ZNF518A: variants seen among roughly 807,000 people sequenced by gnomAD.
ZNF518A encodes zinc finger protein 518A, also known as zinc finger protein 518.
Under a neutral mutation model 102.7 loss-of-function variants are expected in ZNF518A, and 47 were observed. The ratio of observed to expected loss-of-function variants is 0.46; its 90% confidence interval spans 0.36 to 0.58. ZNF518A has a LOEUF of 0.58. ZNF518A is among the 20% of genes least tolerant of loss of function. The pLI is 0.00. For missense variants in ZNF518A, 1,793 were observed against 1,699.8 expected, an observed-to-expected ratio of 1.05 and a Z score of -0.96; for synonymous variants, 652 against 594.6, an observed-to-expected ratio of 1.10 and a Z score of -1.40.
In ZNF518A at chr10:96,160,207, G is replaced by A. The variant is rs782661549; in HGVS notation, c.3885G>A (p.Leu1295=). The A allele has an allele frequency of 1.2e-6, 2 of 1,611,430 alleles. No individual in the cohort carries two copies. The highest frequency in any genetic ancestry group is 3.4e-5 in the Admixed American group (2 of 59,466). Reference sequence around the variant, plus strand: ...AACCTCCAAGAAGAAAAGCAACATTGCATAGAAAGTGTAAAGAAAAGGCAA... The same window carrying A: ...AACCTCCAAGAAGAAAAGCAACATTACATAGAAAGTGTAAAGAAAAGGCAA... ...YQEPPRRKAT[L]HRKCKEKAKP... Residue 1295 remains leucine, a synonymous_variant, in exon 6 of 6, where the codon TTG becomes TTA. Coordinates refer to ENST00000316045, the MANE Select transcript of ZNF518A (RefSeq NM_001330736.2).
intron 1 of ZNF518A, among the ~76,000 whole-genome samples, chr10:96,196,583 C>T (rs2083471834): frequency 6.6e-6 from 1 of 152,166 alleles, no homozygotes; most frequent in South Asian, 2.1e-4. Flanking sequence ...GAACTTGACC[C>T]TAATTCTTAC....
At position 96,156,387 on chromosome 10, in the gene ZNF518A, A is replaced by G. The variant is rs1554882338; in HGVS notation, c.65A>G (p.Asp22Gly). The G allele has an allele frequency of 6.2e-7, 1 of 1,603,316 alleles. No individual in the cohort carries two copies. Among genetic ancestry groups the G allele is most frequent in the South Asian group, 1.1e-5 (1 of 87,690 alleles). The change falls in exon 6 of 6, where the codon GAT becomes GGT. Residue 22 changes from aspartate to glycine, a missense_variant. Coordinates refer to ENST00000316045, the MANE Select transcript of ZNF518A (RefSeq NM_001330736.2). The stretch of plus-strand genomic sequence containing the variant: ...CAAACTACTTTAAAAAAAGATTATG[A>G]TGTGAAAAATGAGATAGTTGATAGG... ...EKQTTLKKDY[D>G]VKNEIVDRSA...
Position 96,200,103 on chromosome 10 carries a change from G to A in ZNF518A, n.36-3471G>A. The A allele has an allele frequency of 1.9e-6, 3 of 1,614,000 alleles. No homozygotes were observed. The highest frequency in any genetic ancestry group is 2.5e-6 in the Non-Finnish European group (3 of 1,179,954). ...GTTTGATCTGTGCAATGCCTCTTCA[G>A]CAGACTTTCGATCACAGGCTCCAGC... On this transcript the variant is annotated intron_variant and non_coding_transcript_variant, in intron 1 of 2. Transcript: ENST00000442635. The surrounding 1 kb of genome is among the most constrained non-coding windows in gnomAD (Gnocchi z 4.3).
chr10:96,146,711 C>T (rs868980988), intron 3 of ZNF518A, among the ~76,000 whole-genome samples: 1 of 152,144 alleles, frequency 6.6e-6, no homozygotes, highest in Admixed American at 6.5e-5. Flanking sequence ...AGCTCCTTTC[C>T]TCTACCCTCA....
At chr10:96,201,476 T>A (rs1466197779) in intron 1 of ZNF518A, among the ~76,000 whole-genome samples, 3 of 152,246 alleles carry the variant, frequency 2.0e-5, no homozygotes, top group Non-Finnish European at 2.9e-5. Flanking sequence ...ATAAAAATAT[T>A]ATTTATGTTA....
chr10:96,142,321 TG>T (rs1564748435), intron 3 of ZNF518A, among the ~76,000 whole-genome samples: 4 of 138,248 alleles, frequency 2.9e-5, no homozygotes, highest in Admixed American at 1.4e-4. Context: ...TGTGTGTGTG[TG>T]TGTGTGTGTG....
intron 1 of ZNF518A, chr10:96,191,754 A>G (rs782368664): frequency 7.8e-5 from 40 of 514,692 alleles, no homozygotes; most frequent in Middle Eastern, 5.3e-4. Flanking sequence ...TGATAACTCA[A>G]CCTCACCAGA....
At chr10:96,189,102 A>G (rs1477814779) in intron 1 of ZNF518A, among the ~76,000 whole-genome samples, 4 of 152,062 alleles carry the variant, frequency 2.6e-5, no homozygotes, top group South Asian at 4.1e-4. Context: ...CACCATTTCC[A>G]TGTTCTGACC....
exon 3 of ZNF518A, chr10:96,204,086 T>C (rs1591303254): frequency 6.2e-7 from 1 of 1,613,974 alleles, no homozygotes. Context: ...TTGGTGGATT[T>C]GTCTGCAAGA....
At chr10:96,155,054 CAT>C (rs150259641) in intron 3 of ZNF518A, among the ~76,000 whole-genome samples, 130 of 150,238 alleles carry the variant, frequency 8.7e-4, no homozygotes, top group Middle Eastern at 6.9e-3. Flanking sequence ...TCTATTCATA[CAT>C]ATATATATAT....
chr10:96,159,520 C>T lies in ZNF518A; in HGVS notation c.3198C>T (p.Asn1066=), dbSNP rs782009637. ...CTGTGAAAGCTGTTCTTATTCCTAA[C>T]ATGCTATCTGAGCAACAGAGCACTA... is the stretch of plus-strand genomic sequence containing the variant. ...TSSVKAVLIP[N]MLSEQQSTKL... The change falls in exon 6 of 6, where the codon AAC becomes AAT. Residue 1066 remains asparagine, a synonymous_variant. Transcript: ENST00000316045. 1.9e-6 allele frequency: 3 copies of T among 1,613,838 alleles called. No homozygotes were observed. Among genetic ancestry groups the T allele is most frequent in the Non-Finnish European group, 2.5e-6 (3 of 1,179,774 alleles).
In ZNF518A at chr10:96,160,788, C is replaced by T. The variant is rs1039782509; in HGVS notation, c.*14C>T. On this transcript the variant is annotated 3_prime_UTR_variant, in exon 6 of 6. Transcript: ENST00000316045. Reference sequence around the variant, plus strand: ...ATGTTAGAATAGTTTACCATAATTACCAAGGAAAAGAAAAGTAAAATTACC... The same window carrying T: ...ATGTTAGAATAGTTTACCATAATTATCAAGGAAAAGAAAAGTAAAATTACC... 1.3e-6 allele frequency: 2 copies of T among 1,512,676 alleles called. No individual in the cohort carries two copies. The highest frequency in any genetic ancestry group is 1.8e-6 in the Non-Finnish European group (2 of 1,135,352). The allele number at this position is 1,512,676 out of a possible 1,614,324, so 93.7% of individuals were successfully genotyped here.
intron 3 of ZNF518A, among the ~76,000 whole-genome samples, chr10:96,142,465 G>C (rs983426948): frequency 6.6e-6 from 1 of 152,046 alleles, no homozygotes; most frequent in Non-Finnish European, 1.5e-5. Flanking sequence ...TGTTTTGCCT[G>C]TATCTGCAGA....
rs1234123389 is a variant in ZNF518A, at chr10:96,162,110, A to G, written c.*1336A>G. The G allele has an allele frequency of 6.0e-6, 1 of 166,930 alleles. No homozygotes were observed. Among genetic ancestry groups the G allele is most frequent in the African/African-American group, 2.4e-5 (1 of 41,452 alleles). The allele number at this position is 166,930 out of a possible 1,614,324, so 10.3% of individuals were successfully genotyped here. On this transcript the variant is annotated 3_prime_UTR_variant, in exon 6 of 6. Transcript: ENST00000316045. ...TGTTACAAGTGTTAATGACATTTTC[A>G]TTAATGGATGAAAACTTCAGGGCTT...
chr10:96,140,889 C>T (rs1370630199), intron 3 of ZNF518A, among the ~76,000 whole-genome samples: 4 of 151,986 alleles, frequency 2.6e-5, no homozygotes, highest in Non-Finnish European at 4.4e-5. Context: ...TGTAATGAGC[C>T]GTAATTGTGC....
chr10:96,165,817 C>G (rs1337643674), downstream of ZNF518A, among the ~76,000 whole-genome samples: 3 of 152,110 alleles, frequency 2.0e-5, no homozygotes, highest in African/African-American at 7.2e-5. Flanking sequence ...TTCAGAGATA[C>G]AGAACCAATA....
rs1195245072 is a variant in ZNF518A, at chr10:96,159,988, A to G, written c.3666A>G (p.Ile1222Met). The change falls in exon 6 of 6, where the codon ATA becomes ATG. Residue 1222 changes from isoleucine (I) to methionine (M), a missense_variant. By Grantham distance (10) the Ile-to-Met change is conservative. Transcript: ENST00000316045. ...GCCCAGAATCTTCTGAGGAACCAAT[A>G]TGTGTCAGTGACTGTTCAGAGTCCA... is the stretch of plus-strand genomic sequence containing the variant. ...ATCPESSEEP[I>M]CVSDCSESRV... 11 of 1,613,634 alleles carry G rather than the reference A, an allele frequency of 6.8e-6. No individual in the cohort carries two copies. The highest frequency in any genetic ancestry group is 2.2e-5 in the East Asian group (1 of 44,870).
At chr10:96,195,315 T>C (rs1353429699) in intron 1 of ZNF518A, among the ~76,000 whole-genome samples, 1 of 152,186 alleles carries the variant, frequency 6.6e-6, no homozygotes, top group Non-Finnish European at 1.5e-5. Flanking sequence ...TCTGGGTATA[T>C]ACCCCCAAAT....
intron 3 of ZNF518A, among the ~76,000 whole-genome samples, chr10:96,141,316 A>G (rs1372026774): frequency 6.6e-6 from 1 of 152,226 alleles, no homozygotes; most frequent in Non-Finnish European, 1.5e-5. Flanking sequence ...CAGAGAAAGG[A>G]GAGATTTAGT....
Sources: gnomAD v4.1 joint callset for allele counts (sites outside exome capture counted in the v4.1 genomes callset) on GRCh38, gnomAD v4.1.1 for gene constraint, Gnocchi (gnomAD v3.1) non-coding constraint, MANE v1.5 for transcripts, NCBI Gene and HGNC (gene_info 2026-07-23, HGNC 2026-07-21) for gene names.